The following REDIC1 variants were observed in gnomAD, a reference collection of about 807,000 sequenced individuals.
REDIC1 encodes HEI10 Interacting Protein 1.
the REDIC1 span, among the ~76,000 whole-genome samples, chr12:39,683,969 CAGTGTACATTTTAGGGAT>C: frequency 1.3e-5 from 2 of 152,108 alleles, no homozygotes; most frequent in Admixed American, 1.3e-4. Flanking sequence ...GTTTATAGGA[CAGTGTACATTTTAGGGAT>C]AGAGCACTCT....
the REDIC1 span, among the ~76,000 whole-genome samples, chr12:39,689,177 T>C: frequency 1.3e-5 from 2 of 152,198 alleles, no homozygotes; most frequent in Non-Finnish European, 2.9e-5. Flanking sequence ...CTGTCTTTCT[T>C]TGATGGCTAG....
At chr12:39,846,393 C>T in the REDIC1 span, among the ~76,000 whole-genome samples, 1 of 152,242 alleles carries the variant, frequency 6.6e-6, no homozygotes. Flanking sequence ...AAAGATCTTT[C>T]TCAGTTAAAG....
At chr12:39,889,529 C>CTT in the REDIC1 span, among the ~76,000 whole-genome samples, 470 of 119,796 alleles carry the variant, frequency 3.9e-3, 1 homozygote, top group Non-Finnish European at 5.6e-3. Flanking sequence ...GGTAAACAAC[C>CTT]TTTTTTTTTT....
chr12:39,750,757 A>G, the REDIC1 span, among the ~76,000 whole-genome samples: 24 of 152,154 alleles, frequency 1.6e-4, no homozygotes, highest in Non-Finnish European at 2.9e-4. Context: ...AAATAATGCC[A>G]CACATCTACA....
the REDIC1 span, among the ~76,000 whole-genome samples, chr12:39,705,967 TA>T: frequency 6.6e-6 from 1 of 151,884 alleles, no homozygotes; most frequent in African/African-American, 2.4e-5. Flanking sequence ...AAGTTCTATC[TA>T]GAGCATGAGA....
the REDIC1 span, among the ~76,000 whole-genome samples, chr12:39,810,869 G>T: frequency 6.6e-6 from 1 of 152,036 alleles, no homozygotes; most frequent in Non-Finnish European, 1.5e-5. Context: ...GAGATACTGC[G>T]ATGTTCATCT....
At chr12:39,781,602 G>C in the REDIC1 span, among the ~76,000 whole-genome samples, 1 of 152,202 alleles carries the variant, frequency 6.6e-6, no homozygotes, top group South Asian at 2.1e-4. Context: ...TGTAAGGAGA[G>C]AATGAATAAG....
the REDIC1 span, chr12:39,682,596 T>G: frequency 6.6e-7 from 1 of 1,509,384 alleles, no homozygotes; most frequent in Admixed American, 2.2e-5. Flanking sequence ...AAATATGTTT[T>G]TGTTTATCCC....
chr12:39,768,939 G>A, the REDIC1 span, among the ~76,000 whole-genome samples: 210 of 152,152 alleles, frequency 1.4e-3, no homozygotes, highest in Middle Eastern at 3.4e-3. Flanking sequence ...ATAAAATGAA[G>A]TATATACTGT....
At chr12:39,653,558 T>TTCTTCTTCTTCTTCTTCTTCTTC in the REDIC1 span, among the ~76,000 whole-genome samples, 6 of 43,880 alleles carry the variant, frequency 1.4e-4, no homozygotes, top group East Asian at 9.9e-4. Flanking sequence ...CTTCTTCTTC[T>TTCTTCTTCTTCTTCTTCTTCTTC]TTCTTCTTCT....
At chr12:39,874,113 C>A in the REDIC1 span, among the ~76,000 whole-genome samples, 1 of 152,102 alleles carries the variant, frequency 6.6e-6, no homozygotes, top group African/African-American at 2.4e-5. Flanking sequence ...AAGGACAGAG[C>A]AAATAATTTA....
chr12:39,822,223 C>A, the REDIC1 span, among the ~76,000 whole-genome samples: 1 of 152,054 alleles, frequency 6.6e-6, no homozygotes, highest in Non-Finnish European at 1.5e-5. Context: ...TCCAAGATAA[C>A]GTTTCCTGCC....
chr12:39,694,244 CA>C, the REDIC1 span, among the ~76,000 whole-genome samples: 3 of 152,068 alleles, frequency 2.0e-5, no homozygotes, highest in Non-Finnish European at 4.4e-5. Context: ...ACCAATTTAA[CA>C]ACTATCTACA....
chr12:39,693,662 C>T, the REDIC1 span, among the ~76,000 whole-genome samples: 1 of 152,082 alleles, frequency 6.6e-6, no homozygotes, highest in Non-Finnish European at 1.5e-5. Flanking sequence ...TAGTCCATTA[C>T]ATGCATGAAC....
chr12:39,790,542 C>T, the REDIC1 span, among the ~76,000 whole-genome samples: 136,792 of 144,502 alleles, frequency 0.95, 64,833 homozygotes, highest in East Asian at 0.99. Flanking sequence ...CTACAAAGGA[C>T]ATGAACTCAT....
At chr12:39,703,049 C>G in the REDIC1 span, among the ~76,000 whole-genome samples, 5,795 of 152,248 alleles carry the variant, frequency 0.038, 133 homozygotes, top group African/African-American at 0.066. Flanking sequence ...TCTCTCACCA[C>G]TCCTATTCAA....
chr12:39,723,230 A>G, the REDIC1 span, among the ~76,000 whole-genome samples: 1 of 152,130 alleles, frequency 6.6e-6, no homozygotes. Context: ...TCCTTTTACT[A>G]TAATAAACTA....
the REDIC1 span, among the ~76,000 whole-genome samples, chr12:39,653,470 CCT>C: frequency 2.0e-5 from 3 of 149,276 alleles, no homozygotes; most frequent in African/African-American, 7.4e-5. Context: ...TATATTTTTA[CCT>C]CTCTCTTTTC....
At chr12:39,711,855 G>GTA in the REDIC1 span, among the ~76,000 whole-genome samples, 952 of 75,192 alleles carry the variant, frequency 0.013, 16 homozygotes, top group African/African-American at 0.053. Context: ...ACATGCATGT[G>GTA]TATGTGTATA....
Sources: allele counts gnomAD v4.1 joint callset (sites outside exome capture counted in the v4.1 genomes callset), GRCh38; gene constraint gnomAD v4.1.1; transcripts MANE v1.5; gene names NCBI Gene and HGNC (gene_info 2026-07-23, HGNC 2026-07-21).